The following ZNF790 variants were observed in gnomAD, a reference collection of about 807,000 sequenced individuals.
ZNF790 encodes the protein zinc finger protein 790.
In ZNF790, 8 loss-of-function variants were observed where a neutral mutation model predicts 12.1. The observed-to-expected ratio is 0.66, with a 90% confidence interval of 0.39 to 1.19. The LOEUF is 1.19. Among genes scored for constraint, ZNF790 ranks in the 50% most tolerant of loss-of-function variants. ZNF790 has a pLI of 0.01. For synonymous variants in ZNF790, 252 were observed against 244.3 expected (o/e 1.03, Z -0.29); for missense variants, 707 against 752.2 (o/e 0.94, Z 0.70).
At chr19:36,823,518 G>C in intron 3 of ZNF790, 138 bp from the exon 4 acceptor site, 1 of 1,234,872 alleles carries the variant, frequency 8.1e-7, no homozygotes, top group Non-Finnish European at 1.1e-6. Flanking sequence ...AGATGGAAGT[G>C]CCCACTGATG....
At chr19:36,836,736 G>T (rs2072054445) in intron 1 of ZNF790, among the ~76,000 whole-genome samples, 1 of 152,140 alleles carries the variant, frequency 6.6e-6, no homozygotes, top group African/African-American at 2.4e-5. Flanking sequence ...CCAGCCTGGT[G>T]ACAGAACAAG....
rs1000906856 is a variant in ZNF790, at chr19:36,823,459, G to A, written c.134-79C>T. 5 of 1,414,926 alleles carry A rather than the reference G, an allele frequency of 3.5e-6. No homozygotes were observed. The African/African-American group carries it at 7.2e-5, about 20-fold the overall frequency. The allele number at this position is 1,414,926 out of a possible 1,614,324, so 87.6% of individuals were successfully genotyped here. A position where few individuals can be genotyped will look rare whatever the true frequency, so the allele number is the denominator to read the frequency against. ...TGCAACTACTTCTTTGGTTACTAAG[G>A]AAGAGAAACAATTACAGGCAGGACA... On this transcript the variant is annotated intron_variant, in intron 3 of 4. Transcript: ENST00000356725.
intron 1 of ZNF790, among the ~76,000 whole-genome samples, chr19:36,847,515 C>T (rs147217674): frequency 0.014 from 2,180 of 150,674 alleles, 44 homozygotes; most frequent in Admixed American, 0.057. Flanking sequence ...TTTGGGAGGC[C>T]GAGGCGGGTG....
chr19:36,840,351 G>A (rs780151351), upstream of ZNF790, among the ~76,000 whole-genome samples: 4 of 152,170 alleles, frequency 2.6e-5, no homozygotes, highest in Non-Finnish European at 4.4e-5. Context: ...AGAAAAAAGC[G>A]CATGGGGCAA....
At chr19:36,834,924 A>G (rs12982205) in intron 1 of ZNF790, among the ~76,000 whole-genome samples, 39,617 of 152,184 alleles carry the variant, frequency 0.26, 5,297 homozygotes, top group South Asian at 0.39. Context: ...TAATAAACAT[A>G]TAACAATCAT....
intron 2 of ZNF790, among the ~76,000 whole-genome samples, chr19:36,824,650 C>G (rs2071758270): frequency 6.6e-6 from 1 of 152,088 alleles, no homozygotes; most frequent in African/African-American, 2.4e-5. Context: ...TCACAAATAC[C>G]AAAACATCAG....
rs202186383 is a variant in ZNF790, at chr19:36,818,584, T to C, written c.1760A>G (p.Asn587Ser). Residue 587 changes from asparagine (N) to serine (S), a missense_variant, in exon 5 of 5, where the codon AAT (asparagine) becomes AGT (serine). Coordinates refer to ENST00000356725, the MANE Select transcript of ZNF790 (RefSeq NM_206894.4). ...FTEQKIHNSA[N>S]LCEWTDYGNT... ...CCCATAGTCTGTCCATTCACAGAGA[T>C]TTGCACTATTATGAATTTTTTGTTC... 3.5e-4 allele frequency: 564 copies of C among 1,611,072 alleles called. 3 individuals are homozygous for C. The highest frequency in any genetic ancestry group is 8.4e-4 in the South Asian group (76 of 90,968).
At chr19:36,824,351 G>A (rs939215569) in intron 2 of ZNF790, among the ~76,000 whole-genome samples, 1 of 151,774 alleles carries the variant, frequency 6.6e-6, no homozygotes, top group African/African-American at 2.4e-5. Context: ...CTGTCACCCA[G>A]ACCGGAGTGC....
At chr19:36,842,985 ACAGTGAGACTC>A (rs934604283), upstream of ZNF790, among the ~76,000 whole-genome samples, 6 of 149,126 alleles carry the variant, frequency 4.0e-5, no homozygotes, top group Non-Finnish European at 7.4e-5. Context: ...AGCCCTGGCA[ACAGTGAGACTC>A]CATCTCAAAA....
chr19:36,840,762 T>G (rs2072122983), upstream of ZNF790, among the ~76,000 whole-genome samples: 1 of 152,198 alleles, frequency 6.6e-6, no homozygotes, highest in South Asian at 2.1e-4. Flanking sequence ...TAATTTCTGC[T>G]CACTACTGTC....
chr19:36,832,158 A>G (rs2071956592), intron 1 of ZNF790, among the ~76,000 whole-genome samples: 1 of 152,220 alleles, frequency 6.6e-6, no homozygotes, highest in Admixed American at 6.5e-5. Flanking sequence ...AGAAGAAGCT[A>G]CTAGAAGACA....
chr19:36,836,188 C>T (rs1054797034), intron 1 of ZNF790, among the ~76,000 whole-genome samples: 2 of 152,016 alleles, frequency 1.3e-5, no homozygotes, highest in African/African-American at 4.8e-5. Flanking sequence ...ACAGAAGAAA[C>T]AGGATATACT....
intron 1 of ZNF790, among the ~76,000 whole-genome samples, chr19:36,834,374 A>G (rs1004245658): frequency 3.3e-5 from 5 of 152,212 alleles, no homozygotes; most frequent in East Asian, 1.9e-4. Context: ...AGGATTAACA[A>G]TGAAAGACAA....
chr19:36,829,871 A>G (rs116888984), intron 1 of ZNF790, among the ~76,000 whole-genome samples: 2,148 of 152,248 alleles, frequency 0.014, 19 homozygotes, highest in Middle Eastern at 0.031. Context: ...CCGGCTGACA[A>G]TTATTTTTAA....
upstream of ZNF790, among the ~76,000 whole-genome samples, chr19:36,840,340 A>T (rs1027729738): frequency 1.3e-5 from 2 of 152,168 alleles, no homozygotes; most frequent in African/African-American, 4.8e-5. Context: ...AAAATCAGTA[A>T]AGAAAAAAGC....
intron 1 of ZNF790, among the ~76,000 whole-genome samples, chr19:36,848,602 T>C (rs897449200): frequency 6.6e-6 from 1 of 152,178 alleles, no homozygotes; most frequent in African/African-American, 2.4e-5. Flanking sequence ...CGCTTGCCTG[T>C]ATAGTCCAAA....
chr19:36,835,795 TCCTC>T (rs2072033679), intron 1 of ZNF790, among the ~76,000 whole-genome samples: 1 of 151,162 alleles, frequency 6.6e-6, no homozygotes. Context: ...AAGGCCCACT[TCCTC>T]TATCTAGTAA....
chr19:36,835,801 A>G (rs758149895), intron 1 of ZNF790, among the ~76,000 whole-genome samples: 7 of 149,878 alleles, frequency 4.7e-5, no homozygotes, highest in Non-Finnish European at 1.0e-4. Context: ...CACTTCCTCT[A>G]TCTAGTAAGC....
Position 36,819,969 on chromosome 19 carries a change from AGT to A in ZNF790, c.373_374del (p.Thr125SerfsTer8). On this transcript the variant is annotated frameshift_variant, in exon 5 of 5. Transcript: ENST00000356725. LOFTEE classifies it low-confidence loss of function (END_TRUNC). ...LCFRGDWEGN[T>X]QFQTLQDNQE... Reference sequence around the variant, plus strand: ...GATTATCTTGAAGTGTTTGAAACTGAGTGTTGCCTTCCCAGTCACCTCTAAAA... The same window carrying A: ...GATTATCTTGAAGTGTTTGAAACTGAGTTGCCTTCCCAGTCACCTCTAAAA... The A allele has an allele frequency of 1.2e-6, 2 of 1,614,110 alleles. No individual in the cohort carries two copies.
Sources: gnomAD v4.1 joint callset for allele counts (sites outside exome capture counted in the v4.1 genomes callset) on GRCh38, gnomAD v4.1.1 for gene constraint, MANE v1.5 for transcripts, NCBI Gene and HGNC (gene_info 2026-07-23, HGNC 2026-07-21) for gene names.